COX14: variants seen among roughly 807,000 people sequenced by gnomAD.
COX14 encodes the protein cytochrome c oxidase assembly protein COX14.
In COX14, 3 loss-of-function variants were observed where a neutral mutation model predicts 5.8. The observed-to-expected ratio is 0.51, with a 90% CI of 0.23 to 1.33. The LOEUF is 1.33. Among genes scored for constraint, COX14 ranks in the 40% most tolerant of loss-of-function variants. The probability of loss-of-function intolerance (pLI) is 0.18; values close to 1 mark genes in which losing one functional copy is unlikely to be tolerated. For synonymous variants in COX14, 25 were observed against 26.1 expected, an observed-to-expected ratio of 0.96 and a Z score of 0.13; for missense variants, 72 against 72.1, an observed-to-expected ratio of 1.00 and a Z score of 0.01.
rs116454323 is a variant in COX14 at position 50,120,407 on chromosome 12, A to G, written c.*190A>G. ...TGGAGGCTTTTGAATCGTAATAGCAATGTGAGGGTGAGGTACACCTACAGA... is the reference window on the plus strand; with the variant it reads ...TGGAGGCTTTTGAATCGTAATAGCAGTGTGAGGGTGAGGTACACCTACAGA... On this transcript the variant is annotated 3_prime_UTR_variant, in exon 2 of 2. Coordinates refer to ENST00000550487, the MANE Select transcript of COX14 (RefSeq NM_032901.4). 3.4e-3 allele frequency: 1,955 copies of G among 574,054 alleles called. 26 individuals carry two copies. The highest frequency in any genetic ancestry group is 0.033 in the African/African-American group (1,763 of 53,232). 35.6% of individuals were successfully genotyped at this position (574,054 alleles called of 1,614,324 possible). A position where few individuals can be genotyped will look rare whatever the true frequency, so the allele number is the denominator to read the frequency against.
chr12:50,116,546 G>C (rs757385037), intron 1 of COX14, among the ~76,000 whole-genome samples: 11 of 152,194 alleles, frequency 7.2e-5, no homozygotes, highest in Admixed American at 1.3e-4. Flanking sequence ...TTGTTGGTTG[G>C]TGAATGCTTC....
chr12:50,115,950 A>T (rs2137940458), intron 1 of COX14, among the ~76,000 whole-genome samples: 1 of 152,248 alleles, frequency 6.6e-6, no homozygotes, highest in Non-Finnish European at 1.5e-5. Context: ...CAGTCTACAA[A>T]GTTTCCTAAC....
chr12:50,116,249 C>T lies in COX14; in HGVS notation c.-8-3787C>T, dbSNP rs150578322. On this transcript the variant is annotated intron_variant, in intron 1 of 1. Transcript: ENST00000550487. ...CTGGGGCTACAGGCATCCGCCACCA[C>T]GCCTGGCTAATTTTTGTATTTTTAG... Among the ~76,000 whole-genome samples the T allele has an allele frequency of 9.3e-3, 1,415 of 152,196 alleles. 20 individuals are homozygous for T. The highest frequency in any genetic ancestry group is 0.032 in the African/African-American group (1,339 of 41,522).
rs564688061 is a variant in COX14, at chr12:50,116,374, T to A, written c.-8-3662T>A. 6.6e-5 allele frequency among the ~76,000 whole-genome samples: 10 copies of A among 152,376 alleles called. No homozygotes were observed. The South Asian group carries it at 2.1e-3, about 32-fold the overall frequency. On this transcript the variant is annotated intron_variant, in intron 1 of 1. Transcript: ENST00000550487. ...TCCCAAACTGTTGGGATTATAGGCGTGAGCCACTGCGCCCGGCCTGAAGAG... is the reference window on the plus strand; with the variant it reads ...TCCCAAACTGTTGGGATTATAGGCGAGAGCCACTGCGCCCGGCCTGAAGAG...
intron 1 of COX14, among the ~76,000 whole-genome samples, chr12:50,114,306 G>A (rs1414227329): frequency 6.7e-6 from 1 of 149,798 alleles, no homozygotes; most frequent in Non-Finnish European, 1.5e-5. Flanking sequence ...CTGGAGTGCA[G>A]TGGCGCGATC....
rs773770033 is a variant in COX14 at position 50,120,163 on chromosome 12, G to T, written c.120G>T (p.Trp40Cys). ...TCCGAGTCTACCACTATTTCCAGTG[G>T]CGCAGGGCCCAGCGCCAGGCCGCAG... is the stretch of plus-strand genomic sequence containing the variant. ...CSVRVYHYFQ[W>C]RRAQRQAAEE... The change falls in exon 2 of 2, where the codon TGG (tryptophan) becomes TGT (cysteine). Residue 40 changes from tryptophan to cysteine, a missense_variant. Coordinates refer to ENST00000550487, the MANE Select transcript of COX14 (RefSeq NM_032901.4). 5 of 1,614,192 alleles carry T rather than the reference G, an allele frequency of 3.1e-6. No homozygotes were observed. The South Asian group carries it at 5.5e-5, about 18-fold the overall frequency.
chr12:50,112,924 TTATG>T (rs1951041168), intron 1 of COX14: 1 of 152,100 alleles, frequency 6.6e-6, no homozygotes, highest in Admixed American at 6.5e-5. Flanking sequence ...TTATGTTATG[TTATG>T]TTATGTTATG....
intron 1 of COX14, among the ~76,000 whole-genome samples, chr12:50,115,014 C>T (rs1486519825): frequency 6.6e-6 from 1 of 150,562 alleles, no homozygotes; most frequent in African/African-American, 2.4e-5. Flanking sequence ...GATCTGCCCA[C>T]CTTGACCTCC....
chr12:50,119,187 A>G (rs983234242), intron 1 of COX14, among the ~76,000 whole-genome samples: 7 of 152,204 alleles, frequency 4.6e-5, no homozygotes, highest in African/African-American at 1.7e-4. Context: ...TTTCAGTTAT[A>G]TTATGGCTTA....
chr12:50,112,480 A>G (rs1951034107), intron 1 of COX14, 179 bp downstream of exon 1: 3 of 985,798 alleles, frequency 3.0e-6, no homozygotes, highest in Non-Finnish European at 3.6e-6. Flanking sequence ...CCCAAGCCCA[A>G]GCTCCTCGCA....
At chr12:50,114,902 C>T (rs571147486) in intron 1 of COX14, among the ~76,000 whole-genome samples, 50 of 146,684 alleles carry the variant, frequency 3.4e-4, no homozygotes, top group Non-Finnish European at 6.0e-4. Context: ...AGAGTAGTTC[C>T]GACTACAGGC....
chr12:50,118,397 G>C (rs1398107698), intron 1 of COX14: 1 of 984,074 alleles, frequency 1.0e-6, no homozygotes, highest in Non-Finnish European at 1.2e-6. Flanking sequence ...GTTTCTGTCA[G>C]TCTTCGTGCA....
chr12:50,112,775 C>T (rs531712399), intron 1 of COX14: 37 of 148,608 alleles, frequency 2.5e-4, no homozygotes, highest in African/African-American at 9.0e-4. Flanking sequence ...CACCTTTCTG[C>T]TAAGTTTTCT....
intron 1 of COX14, among the ~76,000 whole-genome samples, chr12:50,113,889 T>A (rs1386107166): frequency 6.6e-6 from 1 of 152,088 alleles, no homozygotes; most frequent in Non-Finnish European, 1.5e-5. Context: ...CACTTCTGCC[T>A]CCCAAAGTAC....
intron 1 of COX14, among the ~76,000 whole-genome samples, chr12:50,115,861 T>C (rs1316425826): frequency 2.0e-5 from 3 of 152,160 alleles, no homozygotes; most frequent in African/African-American, 7.2e-5. Flanking sequence ...CGTGATCTTC[T>C]TGATGGACAC....
chr12:50,120,165 G>T lies in COX14; in HGVS notation c.122G>T (p.Arg41Leu), dbSNP rs141173025. The T allele has an allele frequency of 8.7e-6, 14 of 1,614,036 alleles. No homozygotes were observed. The highest frequency in any genetic ancestry group is 1.3e-5 in the African/African-American group (1 of 74,918). ...CGAGTCTACCACTATTTCCAGTGGC[G>T]CAGGGCCCAGCGCCAGGCCGCAGAA... ...SVRVYHYFQW[R>L]RAQRQAAEEQ... The change falls in exon 2 of 2, where the codon CGC becomes CTC. Residue 41 changes from arginine (R) to leucine (L), a missense_variant. Physicochemically the swap from Arg to Leu is moderately radical, Grantham distance 102. Transcript: ENST00000550487.
chr12:50,113,585 G>A (rs1951050777), intron 1 of COX14, among the ~76,000 whole-genome samples: 1 of 151,956 alleles, frequency 6.6e-6, no homozygotes, highest in South Asian at 2.1e-4. Context: ...TTACAGGCGT[G>A]AGCCACTGTA....
intron 1 of COX14, among the ~76,000 whole-genome samples, chr12:50,117,214 C>G (rs907079196): frequency 2.0e-5 from 3 of 152,074 alleles, no homozygotes; most frequent in African/African-American, 7.2e-5. Context: ...CAGGGTCTCA[C>G]TATGTTGCCC....
chr12:50,112,390 ATCCCCTAG>A, intron 1 of COX14, 89 bp downstream of exon 1: 1 of 985,638 alleles, frequency 1.0e-6, no homozygotes, highest in Non-Finnish European at 1.2e-6. Context: ...GCGTCCTCCC[ATCCCCTAG>A]TCTGCAGGCC....
Sources: allele counts gnomAD v4.1 joint callset (sites outside exome capture counted in the v4.1 genomes callset), GRCh38; gene constraint gnomAD v4.1.1; transcripts MANE v1.5; gene names NCBI Gene and HGNC (gene_info 2026-07-23, HGNC 2026-07-21).